The following LMF1 variants were observed in gnomAD, a reference collection of about 807,000 sequenced individuals.
LMF1 encodes the protein transmembrane protein 112.
In LMF1, 68 loss-of-function variants were observed where a neutral mutation model predicts 60.6. The observed-to-expected ratio is 1.12, with a 90% CI of 0.92 to 1.37. The LOEUF is 1.37. Ranked by LOEUF, LMF1 falls within the 40% of genes most tolerant of loss-of-function variation. The pLI, the probability that LMF1 is intolerant of heterozygous loss-of-function variation, is 0.00. For missense variants in LMF1, 948 were observed against 767.2 expected (o/e 1.24, Z -2.78); for synonymous variants, 418 against 324.7 (o/e 1.29, Z -3.09).
chr16:871,561 T>C, intron 6 of LMF1: 3 of 575,282 alleles, frequency 5.2e-6, no homozygotes, highest in Non-Finnish European at 9.3e-6. Context: ...TTCCAGAACA[T>C]TCCTCCCATG....
At chr16:955,429 G>GT (rs549679567) in intron 1 of LMF1, among the ~76,000 whole-genome samples, 1 of 140,508 alleles carries the variant, frequency 7.1e-6, no homozygotes, top group East Asian at 2.2e-4. Flanking sequence ...AACCAGACAC[G>GT]TTACATAAAA....
intron 3 of LMF1, among the ~76,000 whole-genome samples, chr16:925,108 G>A (rs530859347): frequency 4.6e-5 from 7 of 152,314 alleles, no homozygotes; most frequent in Admixed American, 2.6e-4. Context: ...TGACGAAACC[G>A]CCCTCTTCAG....
intron 5 of LMF1, among the ~76,000 whole-genome samples, chr16:888,938 G>A (rs1320177282): frequency 1.3e-5 from 2 of 152,220 alleles, no homozygotes; most frequent in African/African-American, 4.8e-5. Flanking sequence ...CTCCTGTGCT[G>A]CGCTGGCCCT....
intron 2 of LMF1, among the ~76,000 whole-genome samples, chr16:935,315 A>G (rs1387085773): frequency 6.6e-6 from 1 of 152,042 alleles, no homozygotes; most frequent in Non-Finnish European, 1.5e-5. Context: ...GGCTGGTCTC[A>G]AACTCCTAGA....
At chr16:969,147 C>G (rs537042243) in intron 1 of LMF1, 1 of 152,184 alleles carries the variant, frequency 6.6e-6, no homozygotes, top group East Asian at 1.9e-4. Flanking sequence ...CCTGTCTCTA[C>G]TAAAAATATT....
At chr16:869,303 C>T (rs1383068053) in intron 9 of LMF1, 3 of 673,688 alleles carry the variant, frequency 4.5e-6, no homozygotes, top group East Asian at 5.7e-5. Flanking sequence ...GGAGCCTGTC[C>T]ACCCCAGCAC....
rs1195689438 is a variant in LMF1 at position 870,859 on chromosome 16, TG to T, written c.1101del (p.Asn368ThrfsTer20). On this transcript the variant is annotated frameshift_variant, in exon 8 of 11. Transcript: ENST00000262301. LOFTEE classifies it high-confidence loss of function. ...PRFGSVVRRA[A>X]NVSLGVLLAW... ...GCCAGCAGGACGCCCAGCGAGACGT[TG>T]GCTGCACGCCGCACCACGGAGCCTG... The T allele has an allele frequency of 1.2e-6, 2 of 1,610,020 alleles. No homozygotes were observed. The highest frequency in any genetic ancestry group is 3.3e-5 in the Admixed American group (2 of 59,926).
chr16:857,698 C>T (rs1220102138), intron 10 of LMF1, among the ~76,000 whole-genome samples: 15 of 48,842 alleles, frequency 3.1e-4, no homozygotes, highest in Admixed American at 6.0e-4. Context: ...TGTCTCGGGA[C>T]GGGTGTGCGT....
At chr16:954,246 G>C (rs915271858) in intron 2 of LMF1, 111 bp downstream of exon 2, 1 of 1,147,898 alleles carries the variant, frequency 8.7e-7, no homozygotes, top group Non-Finnish European at 1.3e-6. Context: ...CCCTCCTGAA[G>C]GAATTTAAGA....
At chr16:912,876 C>T (rs2071160828) in intron 3 of LMF1, among the ~76,000 whole-genome samples, 1 of 152,238 alleles carries the variant, frequency 6.6e-6, no homozygotes, top group African/African-American at 2.4e-5. Context: ...CAACGCGTCC[C>T]CAGGAAAGTC....
At chr16:963,965 C>T (rs976624561) in intron 1 of LMF1, 3 of 439,824 alleles carry the variant, frequency 6.8e-6, no homozygotes, top group African/African-American at 2.0e-5. Flanking sequence ...AGTCAAGCTT[C>T]GGAAGGCCCC....
At chr16:937,635 C>G (rs908003298) in intron 2 of LMF1, among the ~76,000 whole-genome samples, 1 of 152,240 alleles carries the variant, frequency 6.6e-6, no homozygotes, top group Non-Finnish European at 1.5e-5. Context: ...ACAGGCCCTG[C>G]CCCTTGCACT....
chr16:908,277 T>G (rs2071019181), intron 4 of LMF1, among the ~76,000 whole-genome samples: 1 of 152,152 alleles, frequency 6.6e-6, no homozygotes, highest in African/African-American at 2.4e-5. Context: ...CTCTAGTATT[T>G]CTAATTAAAT....
intron 3 of LMF1, among the ~76,000 whole-genome samples, chr16:916,781 C>A (rs749171880): frequency 2.0e-5 from 3 of 152,264 alleles, no homozygotes; most frequent in African/African-American, 7.2e-5. Flanking sequence ...CTGAGGCCTG[C>A]GGCCTTGGGA....
chr16:908,078 C>T (rs1446298047), intron 4 of LMF1, among the ~76,000 whole-genome samples: 1 of 152,188 alleles, frequency 6.6e-6, no homozygotes, highest in South Asian at 2.1e-4. Flanking sequence ...GCGCTTCCCC[C>T]ACCCGGCTGC....
rs571186511 is a variant in LMF1, at chr16:918,291, C to T, written c.515-7212G>A. Among the ~76,000 whole-genome samples, 4 of 152,296 alleles carry T rather than the reference C, an allele frequency of 2.6e-5. No individual in the cohort carries two copies. In the South Asian group the frequency reaches 6.2e-4, roughly 24 times the overall value. On this transcript the variant is annotated intron_variant, in intron 3 of 10. Transcript: ENST00000262301. The stretch of plus-strand genomic sequence containing the variant: ...GCGCGGCTTGTTCGTACTTGGTTGC[C>T]GTGACAACCAGACTTCCTAGCCCCA...
intron 4 of LMF1, among the ~76,000 whole-genome samples, chr16:907,406 GAAAA>G (rs921252114): frequency 7.1e-6 from 1 of 141,264 alleles, no homozygotes; most frequent in African/African-American, 2.6e-5. Context: ...ATCTCAAAAA[GAAAA>G]AAAAAAAAGA....
At position 874,528 on chromosome 16, in the gene LMF1, C is replaced by T. The variant is rs561035230; in HGVS notation, c.898-3187G>A. ...GTGCTGGCTGGGCGGCCGGGCTCTGCGGTCACTGCTCTTGTGCACCTCTCC... is the reference window on the plus strand; with the variant it reads ...GTGCTGGCTGGGCGGCCGGGCTCTGTGGTCACTGCTCTTGTGCACCTCTCC... On this transcript the variant is annotated intron_variant, in intron 6 of 10. Coordinates refer to ENST00000262301, the MANE Select transcript of LMF1 (RefSeq NM_022773.4). The surrounding 1 kb of genome is among the most constrained non-coding windows in gnomAD (Gnocchi z 4.1). Among the ~76,000 whole-genome samples, 23 of 152,300 alleles carry T rather than the reference C, an allele frequency of 1.5e-4. 1 individual carries two copies. The East Asian group carries it at 3.7e-3, about 24-fold the overall frequency.
chr16:898,554 G>C (rs1460751992), intron 4 of LMF1, among the ~76,000 whole-genome samples: 1 of 152,250 alleles, frequency 6.6e-6, no homozygotes, highest in Non-Finnish European at 1.5e-5. Context: ...GAGCCAAGGG[G>C]TGGCAGCCAG....
Sources: allele counts gnomAD v4.1 joint callset (sites outside exome capture counted in the v4.1 genomes callset), GRCh38; gene constraint gnomAD v4.1.1; non-coding constraint Gnocchi (gnomAD v3.1); transcripts MANE v1.5; gene names NCBI Gene and HGNC (gene_info 2026-07-23, HGNC 2026-07-21).